GHR: variants seen among roughly 807,000 people sequenced by gnomAD.
GHR encodes GH receptor.
In GHR, 35 loss-of-function variants were observed where a neutral mutation model predicts 67.1. The observed-to-expected ratio is 0.52, with a 90% CI of 0.40 to 0.69. The LOEUF is 0.69. Among genes scored for constraint, GHR ranks in the 30% least tolerant of loss-of-function variants. GHR has a pLI of 0.00. For synonymous variants in GHR, 272 were observed against 269.1 expected (o/e 1.01, Z -0.10); for missense variants, 792 against 764.6 (o/e 1.04, Z -0.42).
At chr5:42,428,236 A>G (rs1317930191) in intron 1 of GHR, among the ~76,000 whole-genome samples, 1 of 152,150 alleles carries the variant, frequency 6.6e-6, no homozygotes, top group Non-Finnish European at 1.5e-5. Flanking sequence ...CCAACACCAC[A>G]TGGAAGCTTC....
Position 42,713,474 on chromosome 5 carries a change from G to A in GHR, c.830G>A (p.Gly277Glu). The change falls in exon 8 of 10, where the codon GGG becomes GAG. Residue 277 changes from glycine to glutamate, a missense_variant. Coordinates refer to ENST00000230882, the MANE Select transcript of GHR (RefSeq NM_000163.5). ...TTAATTATTATCTTTGGAATATTTG[G>A]GCTAACAGTGATGCTATTTGTATTC... ...WLLIIIFGIF[G>E]LTVMLFVFLF... 1 of 1,502,188 alleles carries A rather than the reference G, an allele frequency of 6.7e-7. No individual in the cohort carries two copies. Among genetic ancestry groups the A allele is most frequent in the Non-Finnish European group, 9.2e-7 (1 of 1,081,392 alleles). 93.1% of individuals were successfully genotyped at this position (1,502,188 alleles called of 1,614,324 possible). A position where few individuals can be genotyped will look rare whatever the true frequency, so the allele number is the denominator to read the frequency against.
Position 42,713,523 on chromosome 5 carries a change from G to A in GHR, c.875+4G>A. Reference sequence around the variant, plus strand: ...TCTTATTTTCTAAACAGCAAAGGTAGGTGTGGAGTAGTATTCTTTGGTATT... The same window carrying A: ...TCTTATTTTCTAAACAGCAAAGGTAAGTGTGGAGTAGTATTCTTTGGTATT... On this transcript the variant is annotated splice_donor_region_variant and intron_variant, in intron 8 of 9. Coordinates refer to ENST00000230882, the MANE Select transcript of GHR (RefSeq NM_000163.5). 4 of 1,187,118 alleles carry A rather than the reference G, an allele frequency of 3.4e-6. No individual in the cohort carries two copies. The highest frequency in any genetic ancestry group is 5.0e-6 in the Non-Finnish European group (4 of 797,322). 73.5% of individuals were successfully genotyped at this position (1,187,118 alleles called of 1,614,324 possible). A position where few individuals can be genotyped will look rare whatever the true frequency, so the allele number is the denominator to read the frequency against.
chr5:42,681,654 C>T (rs1756880516), intron 3 of GHR, among the ~76,000 whole-genome samples: 3 of 151,940 alleles, frequency 2.0e-5, no homozygotes, highest in Admixed American at 1.3e-4. Flanking sequence ...AATACACATG[C>T]GGCCGGGCGT....
intron 1 of GHR, among the ~76,000 whole-genome samples, chr5:42,510,692 A>C (rs141027130): frequency 3.3e-5 from 5 of 152,330 alleles, no homozygotes; most frequent in African/African-American, 1.2e-4. Flanking sequence ...AAATGCACAA[A>C]AACAGTAGCA....
chr5:42,485,650 T>C (rs1394037039), intron 1 of GHR, among the ~76,000 whole-genome samples: 1 of 152,216 alleles, frequency 6.6e-6, no homozygotes, highest in Non-Finnish European at 1.5e-5. Flanking sequence ...CTTTTTTCCT[T>C]AGGTTGACTT....
At chr5:42,637,339 G>A (rs185571267) in intron 3 of GHR, among the ~76,000 whole-genome samples, 10 of 152,008 alleles carry the variant, frequency 6.6e-5, no homozygotes, top group Non-Finnish European at 1.2e-4. Context: ...GGGGGTACAC[G>A]TGCAGGTTTG....
intron 1 of GHR, chr5:42,468,184 G>C: frequency 7.1e-7 from 1 of 1,399,960 alleles, no homozygotes; most frequent in Non-Finnish European, 1.0e-6. Context: ...CTCCCCTGGG[G>C]CCCAGACTTT....
At chr5:42,607,233 C>A (rs1007162362) in intron 2 of GHR, among the ~76,000 whole-genome samples, 1 of 152,114 alleles carries the variant, frequency 6.6e-6, no homozygotes, top group African/African-American at 2.4e-5. Context: ...TTTTAAGTTA[C>A]CCAGTCTCAG....
intron 1 of GHR, among the ~76,000 whole-genome samples, chr5:42,446,785 A>G (rs1414854834): frequency 6.6e-6 from 1 of 152,224 alleles, no homozygotes; most frequent in Non-Finnish European, 1.5e-5. Flanking sequence ...ATAACACAAC[A>G]CTGTATTCCA....
chr5:42,432,461 G>A (rs1743136193), intron 1 of GHR, among the ~76,000 whole-genome samples: 1 of 152,170 alleles, frequency 6.6e-6, no homozygotes, highest in Non-Finnish European at 1.5e-5. Context: ...TGGTCAGAAA[G>A]GCAGCCTTTG....
chr5:42,580,355 G>T (rs370886475), intron 2 of GHR, among the ~76,000 whole-genome samples: 1 of 152,004 alleles, frequency 6.6e-6, no homozygotes, highest in African/African-American at 2.4e-5. Context: ...ATGTGTGTTT[G>T]TGGGGTGGAG....
chr5:42,704,813 A>G (rs1758096750), intron 6 of GHR, among the ~76,000 whole-genome samples: 1 of 151,952 alleles, frequency 6.6e-6, no homozygotes, highest in African/African-American at 2.4e-5. Context: ...ATTTTTCAGA[A>G]TGGTCTCTTA....
intron 2 of GHR, among the ~76,000 whole-genome samples, chr5:42,604,423 CT>C (rs1752523609): frequency 1.3e-5 from 2 of 152,180 alleles, no homozygotes; most frequent in Admixed American, 1.3e-4. Context: ...GGGGCAGGAC[CT>C]TTTTTGAAAT....
At chr5:42,470,154 T>TGTC (rs1554054232) in intron 1 of GHR, among the ~76,000 whole-genome samples, 1 of 145,642 alleles carries the variant, frequency 6.9e-6, no homozygotes, top group Admixed American at 6.9e-5. Context: ...TACTATATAT[T>TGTC]ATAATATATA....
At chr5:42,603,825 A>C (rs1449564576) in intron 2 of GHR, among the ~76,000 whole-genome samples, 2 of 152,162 alleles carry the variant, frequency 1.3e-5, no homozygotes, top group Non-Finnish European at 2.9e-5. Context: ...CAACACTTCT[A>C]CTGAGAGATC....
intron 1 of GHR, among the ~76,000 whole-genome samples, chr5:42,529,139 G>A (rs762671440): frequency 6.6e-6 from 1 of 151,714 alleles, no homozygotes; most frequent in African/African-American, 2.4e-5. Context: ...AGCCTCCCGA[G>A]TAGCTGGAAC....
chr5:42,515,574 G>A (rs1482167706), intron 1 of GHR, among the ~76,000 whole-genome samples: 1 of 152,220 alleles, frequency 6.6e-6, no homozygotes, highest in Non-Finnish European at 1.5e-5. Context: ...GCATTTAGTG[G>A]TAATTCTTAA....
At chr5:42,616,209 T>C (rs1402741870) in intron 2 of GHR, among the ~76,000 whole-genome samples, 2 of 152,068 alleles carry the variant, frequency 1.3e-5, no homozygotes, top group African/African-American at 4.8e-5. Context: ...TGGTAGTTAA[T>C]TGAAGGAAGG....
intron 1 of GHR, among the ~76,000 whole-genome samples, chr5:42,475,072 C>T (rs1474445183): frequency 2.0e-5 from 3 of 151,760 alleles, no homozygotes; most frequent in Non-Finnish European, 2.9e-5. Flanking sequence ...GTAGTAGTGA[C>T]GGGGTTTCAC....
Sources: gnomAD v4.1 joint callset for allele counts (sites outside exome capture counted in the v4.1 genomes callset) on GRCh38, gnomAD v4.1.1 for gene constraint, MANE v1.5 for transcripts, NCBI Gene and HGNC (gene_info 2026-07-23, HGNC 2026-07-21) for gene names.